The following PCDHA2 variants were observed in gnomAD, a reference collection of about 807,000 sequenced individuals.
The protein encoded by PCDHA2 is protocadherin alpha 2.
Under a neutral mutation model 66.0 loss-of-function variants are expected in PCDHA2, and 58 were observed. The ratio of observed to expected loss-of-function variants is 0.88; its 90% CI spans 0.71 to 1.09. The LOEUF is 1.09. Among genes scored for constraint, PCDHA2 ranks in the 50% least tolerant of loss-of-function variants. The pLI is 0.00. For missense variants in PCDHA2, 1,267 were observed against 1,242.3 expected (o/e 1.02, Z -0.30); for synonymous variants, 634 against 554.0 (o/e 1.14, Z -2.03).
intron 1 of PCDHA2, among the ~76,000 whole-genome samples, chr5:140,907,765 T>C (rs901037519): frequency 8.5e-5 from 13 of 152,144 alleles, no homozygotes; most frequent in African/African-American, 3.1e-4. Flanking sequence ...GCCCATTGGG[T>C]GATGACAGGG....
At chr5:140,981,533 C>A (rs1045779820) in intron 2 of PCDHA2, among the ~76,000 whole-genome samples, 9 of 152,154 alleles carry the variant, frequency 5.9e-5, no homozygotes, top group African/African-American at 2.2e-4. Context: ...GAGATCGTGC[C>A]ACTGTACTCC....
chr5:140,960,575 A>G (rs990834964), intron 1 of PCDHA2, among the ~76,000 whole-genome samples: 4 of 152,186 alleles, frequency 2.6e-5, no homozygotes, highest in Non-Finnish European at 2.9e-5. Flanking sequence ...AAACAGTTGG[A>G]AAACAGTTCA....
chr5:140,953,131 C>T (rs1554220819), intron 1 of PCDHA2, among the ~76,000 whole-genome samples: 1 of 152,158 alleles, frequency 6.6e-6, no homozygotes, highest in African/African-American at 2.4e-5. Context: ...TAAACCGTAT[C>T]ACTGTTATAT....
At chr5:140,850,307 C>T (rs2150478733) in intron 1 of PCDHA2, 1 of 1,597,050 alleles carries the variant, frequency 6.3e-7, no homozygotes, top group Non-Finnish European at 8.6e-7. Flanking sequence ...CGGGCTACAA[C>T]GCGTGGCTTT....
At chr5:140,821,863 C>T (rs1268753327) in intron 1 of PCDHA2, 1 of 1,614,110 alleles carries the variant, frequency 6.2e-7, no homozygotes, top group African/African-American at 1.3e-5. Context: ...GAGCGGCCAG[C>T]TCCACTACTC....
At chr5:140,896,517 A>G (rs1300184594) in intron 1 of PCDHA2, among the ~76,000 whole-genome samples, 1 of 149,680 alleles carries the variant, frequency 6.7e-6, no homozygotes, top group African/African-American at 2.5e-5. Flanking sequence ...GGCACACACC[A>G]CAAAGCCCAG....
chr5:140,955,324 T>G (rs1358791050), intron 1 of PCDHA2, among the ~76,000 whole-genome samples: 8 of 152,186 alleles, frequency 5.3e-5, no homozygotes, highest in Non-Finnish European at 8.8e-5. Flanking sequence ...CCTTGAATTG[T>G]AGTTCCCATA....
chr5:140,987,904 G>A (rs115515462), intron 3 of PCDHA2, among the ~76,000 whole-genome samples: 1 of 151,734 alleles, frequency 6.6e-6, no homozygotes, highest in African/African-American at 2.4e-5. Context: ...TTTTATATGG[G>A]GATTTATATT....
chr5:140,893,111 T>G (rs2063826181), intron 1 of PCDHA2, among the ~76,000 whole-genome samples: 1 of 152,236 alleles, frequency 6.6e-6, no homozygotes, highest in Non-Finnish European at 1.5e-5. Flanking sequence ...TATTCCGTTG[T>G]GCATATACAC....
intron 1 of PCDHA2, chr5:140,868,074 T>C (rs1554161742): frequency 6.6e-6 from 1 of 152,138 alleles, no homozygotes; most frequent in Non-Finnish European, 1.5e-5. Context: ...AGGGTGATTT[T>C]ATTTATTTTA....
At chr5:140,882,208 G>C (rs1554173113) in intron 1 of PCDHA2, 2 of 1,531,598 alleles carry the variant, frequency 1.3e-6, no homozygotes, top group East Asian at 4.5e-5. Flanking sequence ...GGCCTTGAGA[G>C]ACAGTTTGAG....
chr5:140,868,742 T>A (rs2050624283), intron 1 of PCDHA2: 2 of 208,154 alleles, frequency 9.6e-6, no homozygotes, highest in Non-Finnish European at 9.7e-6. Flanking sequence ...AGAAATACAA[T>A]GCCATTTCCA....
At chr5:140,823,940 G>A in intron 1 of PCDHA2, 1 of 1,613,966 alleles carries the variant, frequency 6.2e-7, no homozygotes, top group South Asian at 1.1e-5. Flanking sequence ...GCGCTGCGGT[G>A]CTCGGCGCAG....
intron 1 of PCDHA2, among the ~76,000 whole-genome samples, chr5:140,946,570 C>G (rs1488950892): frequency 7.2e-6 from 1 of 138,492 alleles, no homozygotes; most frequent in Non-Finnish European, 1.5e-5. Context: ...ATAGAATCAA[C>G]TTAGGTGTTC....
intron 3 of PCDHA2, among the ~76,000 whole-genome samples, chr5:141,005,407 T>C (rs2098211600): frequency 1.3e-5 from 2 of 151,168 alleles, no homozygotes; most frequent in Admixed American, 1.3e-4. Context: ...ACTTGAAGAG[T>C]GAGGAGTCAT....
At chr5:140,873,007 C>G (rs1363151505) in intron 1 of PCDHA2, among the ~76,000 whole-genome samples, 2 of 152,088 alleles carry the variant, frequency 1.3e-5, no homozygotes, top group East Asian at 3.8e-4. Context: ...AGTCATTCTT[C>G]ATATTTAGTT....
intron 1 of PCDHA2, chr5:140,884,328 T>C: frequency 1.2e-6 from 2 of 1,613,822 alleles, no homozygotes; most frequent in Non-Finnish European, 1.7e-6. Flanking sequence ...GCAGGCGCTG[T>C]GGGTCCAGAA....
intron 1 of PCDHA2, chr5:140,828,582 C>T: frequency 6.2e-7 from 1 of 1,614,224 alleles, no homozygotes; most frequent in South Asian, 1.1e-5. Context: ...GATGTTGGCT[C>T]AAATTCCATC....
Position 140,876,293 on chromosome 5 carries a change from A to G in PCDHA2, c.2388+78941A>G, listed in dbSNP as rs201253884. Reference sequence around the variant, plus strand: ...GCTTCCGATCCAGACGAAGGACTTAATGGAGAAATTTCCTATGGGATCAAA... The same window carrying G: ...GCTTCCGATCCAGACGAAGGACTTAGTGGAGAAATTTCCTATGGGATCAAA... On this transcript the variant is annotated intron_variant, in intron 1 of 3. Transcript: ENST00000526136. The G allele has an allele frequency of 9.9e-6, 16 of 1,613,942 alleles. No homozygotes were observed. The highest frequency in any genetic ancestry group is 2.5e-6 in the Non-Finnish European group (3 of 1,179,906).
Sources: gnomAD v4.1 joint callset for allele counts (sites outside exome capture counted in the v4.1 genomes callset) on GRCh38, gnomAD v4.1.1 for gene constraint, MANE v1.5 for transcripts, NCBI Gene and HGNC (gene_info 2026-07-23, HGNC 2026-07-21) for gene names.